The following LRP1B variants were observed in gnomAD, a reference collection of about 807,000 sequenced individuals.
LRP1B encodes LDL receptor related protein 1B, also known as low-density lipoprotein receptor-related protein 1B.
A neutral mutation model predicts 556.6 loss-of-function variants in LRP1B; 217 were observed. That is an observed-to-expected ratio of 0.39 (90% CI 0.35 to 0.44). The LOEUF is 0.44. Among genes scored for constraint, LRP1B ranks in the 20% least tolerant of loss-of-function variants. The pLI is 1.00. For missense variants in LRP1B, 5,053 were observed against 5,620.8 expected, an observed-to-expected ratio of 0.90 and a Z score of 3.23; for synonymous variants, 2,047 against 1,865.8, an observed-to-expected ratio of 1.10 and a Z score of -2.50.
At chr2:141,195,988 C>A (rs766941871) in intron 6 of LRP1B, among the ~76,000 whole-genome samples, 2 of 151,916 alleles carry the variant, frequency 1.3e-5, no homozygotes, top group Non-Finnish European at 2.9e-5. Context: ...CTGAGCTTGG[C>A]ATTTTCTGAA....
intron 2 of LRP1B, among the ~76,000 whole-genome samples, chr2:141,529,088 G>T (rs1684787793): frequency 6.6e-6 from 1 of 152,146 alleles, no homozygotes; most frequent in Admixed American, 6.6e-5. Flanking sequence ...AACATGTTTG[G>T]CAACATTGAC....
intron 66 of LRP1B, among the ~76,000 whole-genome samples, chr2:140,401,301 G>A (rs151043821): frequency 1.4e-4 from 22 of 152,262 alleles, no homozygotes; most frequent in Non-Finnish European, 8.8e-5. Flanking sequence ...CAGGATACCT[G>A]AGACTTAGTC....
chr2:140,938,637 G>A (rs941233979), intron 20 of LRP1B, among the ~76,000 whole-genome samples: 1 of 152,220 alleles, frequency 6.6e-6, no homozygotes, highest in South Asian at 2.1e-4. Context: ...AGAGCAGTCA[G>A]TCTTTGGAAC....
chr2:141,507,229 A>T (rs987266632), intron 2 of LRP1B, among the ~76,000 whole-genome samples: 6 of 152,180 alleles, frequency 3.9e-5, no homozygotes, highest in African/African-American at 1.4e-4. Context: ...TTAAACATAC[A>T]TTACAGAAAT....
In LRP1B at chr2:140,966,287, G is replaced by T. The variant is rs548394045; in HGVS notation, c.2888-14347C>A. On this transcript the variant is annotated intron_variant, in intron 18 of 90. Transcript: ENST00000389484. ...TGGTATCTCATTGTGGTTTTGATTT[G>T]CATTTCTCTGATGGCCAGTGATGAG... is the stretch of plus-strand genomic sequence containing the variant. 5.9e-5 allele frequency among the ~76,000 whole-genome samples: 9 copies of T among 152,262 alleles called. No individual in the cohort carries two copies. In the East Asian group the frequency reaches 1.5e-3, roughly 26 times the overall value.
chr2:141,485,881 G>T (rs1683101619), intron 2 of LRP1B, among the ~76,000 whole-genome samples: 1 of 152,004 alleles, frequency 6.6e-6, no homozygotes, highest in Non-Finnish European at 1.5e-5. Context: ...TATAAATGAG[G>T]CACAAAAAGG....
At chr2:140,249,436 A>G (rs1160595580) in intron 86 of LRP1B, among the ~76,000 whole-genome samples, 1 of 151,640 alleles carries the variant, frequency 6.6e-6, no homozygotes, top group East Asian at 1.9e-4. Flanking sequence ...ATGATAGATA[A>G]AAGAAGTCAC....
At chr2:141,773,511 G>A (rs1421632361) in intron 2 of LRP1B, among the ~76,000 whole-genome samples, 1 of 152,306 alleles carries the variant, frequency 6.6e-6, no homozygotes, top group Non-Finnish European at 1.5e-5. Flanking sequence ...AAGTAGCAAA[G>A]GATCAGAGGA....
At chr2:141,130,441 A>G (rs1288278648) in intron 7 of LRP1B, among the ~76,000 whole-genome samples, 1 of 152,178 alleles carries the variant, frequency 6.6e-6, no homozygotes, top group East Asian at 1.9e-4. Flanking sequence ...ACATGAGTAT[A>G]GATAATGTTT....
intron 7 of LRP1B, among the ~76,000 whole-genome samples, chr2:141,175,087 C>A (rs1177929002): frequency 6.6e-6 from 1 of 152,038 alleles, no homozygotes; most frequent in Non-Finnish European, 1.5e-5. Context: ...AGCAGCAAAG[C>A]ATTCAAGATG....
At chr2:141,948,126 C>T (rs577490180) in intron 1 of LRP1B, among the ~76,000 whole-genome samples, 6 of 151,914 alleles carry the variant, frequency 3.9e-5, no homozygotes, top group Admixed American at 3.9e-4. Context: ...GGTGAAACCC[C>T]CTCTCTACTG....
chr2:140,292,122 C>T (rs1035849181), intron 84 of LRP1B, among the ~76,000 whole-genome samples: 4 of 152,086 alleles, frequency 2.6e-5, no homozygotes, highest in Admixed American at 6.5e-5. Flanking sequence ...GCCTAGTTTT[C>T]AGAGTCAGAT....
At chr2:141,974,962 T>C (rs539166157) in intron 1 of LRP1B, among the ~76,000 whole-genome samples, 1 of 152,224 alleles carries the variant, frequency 6.6e-6, no homozygotes, top group South Asian at 2.1e-4. Context: ...AAAGTTATAT[T>C]GCACATCCAT....
intron 2 of LRP1B, among the ~76,000 whole-genome samples, chr2:141,680,454 T>C (rs1691062278): frequency 6.6e-6 from 1 of 152,122 alleles, no homozygotes; most frequent in Non-Finnish European, 1.5e-5. Flanking sequence ...CTTGGGAACA[T>C]AGGAAGAAAT....
At chr2:141,493,236 G>A (rs1683398403) in intron 2 of LRP1B, among the ~76,000 whole-genome samples, 2 of 152,178 alleles carry the variant, frequency 1.3e-5, no homozygotes, top group Middle Eastern at 6.8e-3. Flanking sequence ...CTTTATTACT[G>A]TACTACATTG....
chr2:140,897,204 A>G (rs1444624102), intron 23 of LRP1B, among the ~76,000 whole-genome samples: 2 of 152,194 alleles, frequency 1.3e-5, no homozygotes, highest in Non-Finnish European at 1.5e-5. Flanking sequence ...ACAGTGAGAA[A>G]TCATATGGTA....
chr2:141,306,280 C>CT (rs536286428), intron 3 of LRP1B, among the ~76,000 whole-genome samples: 4 of 152,086 alleles, frequency 2.6e-5, no homozygotes, highest in Non-Finnish European at 5.9e-5. Flanking sequence ...GAGTAATGGA[C>CT]TTTTTTTAAT....
rs928410863 is a variant in LRP1B, at chr2:141,758,768, A to G, written c.205+51511T>C. On this transcript the variant is annotated intron_variant, in intron 2 of 90. Coordinates refer to ENST00000389484, the MANE Select transcript of LRP1B (RefSeq NM_018557.3). ...TGATGTTTAACTTTTGTTTTTATTC[A>G]GTTATACTTTCCTTTTATTTCTATG... Among the ~76,000 whole-genome samples the G allele has an allele frequency of 5.9e-5, 9 of 152,272 alleles. No individual in the cohort carries two copies. In the South Asian group the frequency reaches 1.9e-3, roughly 32 times the overall value.
At chr2:140,408,384 T>G (rs1201763525) in intron 66 of LRP1B, among the ~76,000 whole-genome samples, 1 of 152,004 alleles carries the variant, frequency 6.6e-6, no homozygotes, top group Non-Finnish European at 1.5e-5. Flanking sequence ...ATGCTGATCA[T>G]GTACTAGGCG....
Sources: allele counts gnomAD v4.1 joint callset (sites outside exome capture counted in the v4.1 genomes callset), GRCh38; gene constraint gnomAD v4.1.1; transcripts MANE v1.5; gene names NCBI Gene and HGNC (gene_info 2026-07-23, HGNC 2026-07-21).